PTPN9: variants seen among roughly 807,000 people sequenced by gnomAD.
PTPN9 encodes protein tyrosine phosphatase non-receptor type 9.
Under a neutral mutation model 69.8 loss-of-function variants are expected in PTPN9, and 26 were observed. The ratio of observed to expected loss-of-function variants is 0.37; its 90% CI spans 0.27 to 0.52. PTPN9 has a LOEUF of 0.52. Ranked by LOEUF, PTPN9 falls within the 20% of genes least tolerant of loss-of-function variation. The pLI is 0.91. For synonymous variants in PTPN9, 274 were observed against 272.5 expected (o/e 1.01, Z -0.05); for missense variants, 549 against 740.3 (o/e 0.74, Z 3.00).
intron 1 of PTPN9, among the ~76,000 whole-genome samples, chr15:75,550,341 CT>C (rs1173890569): frequency 6.6e-6 from 1 of 151,448 alleles, no homozygotes; most frequent in East Asian, 2.0e-4. Flanking sequence ...GATTTTTGTA[CT>C]TTCAGTAGAG....
In PTPN9 at chr15:75,468,170, T is replaced by A. The variant is rs1413308758; in HGVS notation, c.*599A>T. ...GGAGTATCGTGTGTATATGTATTTA[T>A]AGAATACGATCATATTATCACATAC... is the stretch of plus-strand genomic sequence containing the variant. On this transcript the variant is annotated 3_prime_UTR_variant, in exon 13 of 13. Coordinates refer to ENST00000618819, the MANE Select transcript of PTPN9 (RefSeq NM_002833.4). 1 of 152,848 alleles carries A rather than the reference T, an allele frequency of 6.5e-6. No homozygotes were observed. Among genetic ancestry groups the A allele is most frequent in the Non-Finnish European group, 1.5e-5 (1 of 68,236 alleles). 9.5% of individuals were successfully genotyped at this position (152,848 alleles called of 1,614,324 possible). A position where few individuals can be genotyped will look rare whatever the true frequency, so the allele number is the denominator to read the frequency against.
rs1318815364 is a variant in PTPN9, at chr15:75,468,478, A to T, written c.*291T>A. On this transcript the variant is annotated 3_prime_UTR_variant, in exon 13 of 13. Transcript: ENST00000618819. Reference sequence around the variant, plus strand: ...GAGGAGGGAGGTTCCTTCCCCACTTACCTCGGGGACCCTAGCAAAAATCAA... The same window carrying T: ...GAGGAGGGAGGTTCCTTCCCCACTTTCCTCGGGGACCCTAGCAAAAATCAA... 1 of 259,614 alleles carries T rather than the reference A, an allele frequency of 3.9e-6. No homozygotes were observed. The highest frequency in any genetic ancestry group is 7.1e-5 in the East Asian group (1 of 14,118). 16.1% of individuals were successfully genotyped at this position (259,614 alleles called of 1,614,324 possible).
chr15:75,538,533 C>CA (rs1008916003), intron 1 of PTPN9, among the ~76,000 whole-genome samples: 2 of 152,030 alleles, frequency 1.3e-5, no homozygotes, highest in Non-Finnish European at 2.9e-5. Flanking sequence ...CCCGTCTCTA[C>CA]AAAAAATACA....
chr15:75,528,819 G>A (rs140090337), intron 1 of PTPN9, among the ~76,000 whole-genome samples: 9 of 150,230 alleles, frequency 6.0e-5, no homozygotes, highest in African/African-American at 2.0e-4. Context: ...TCCTGTCCCC[G>A]CCTTCCGAGT....
chr15:75,486,837 T>TGCACTGGTGCGATCTCG (rs1052531702), intron 8 of PTPN9, among the ~76,000 whole-genome samples: 8 of 146,198 alleles, frequency 5.5e-5, no homozygotes, highest in African/African-American at 2.0e-4. Context: ...CAGGCTGGAG[T>TGCACTGGTGCGATCTCG]GCACTGGTGC....
intron 12 of PTPN9, 116 bp from the exon 13 acceptor site, chr15:75,469,099 A>G: frequency 4.1e-6 from 4 of 982,142 alleles, no homozygotes; most frequent in Non-Finnish European, 6.0e-6. Flanking sequence ...CTCATGGCAG[A>G]AGGCCAGGTG....
At chr15:75,576,544 T>C (rs1195073459) in intron 1 of PTPN9, among the ~76,000 whole-genome samples, 1 of 148,618 alleles carries the variant, frequency 6.7e-6, no homozygotes, top group Admixed American at 6.8e-5. Flanking sequence ...GCGCAGTAAC[T>C]CACGACTGTA....
intron 7 of PTPN9, among the ~76,000 whole-genome samples, chr15:75,494,510 AC>A (rs141538327): frequency 0.021 from 3,110 of 151,412 alleles, 176 homozygotes; most frequent in Admixed American, 0.11. Context: ...CTGCCACCAT[AC>A]CTGGCTAATT....
At chr15:75,546,000 T>G (rs1287997964) in intron 1 of PTPN9, among the ~76,000 whole-genome samples, 1 of 152,122 alleles carries the variant, frequency 6.6e-6, no homozygotes, top group Non-Finnish European at 1.5e-5. Context: ...TAAGACATGG[T>G]CTCTACCCAT....
intron 3 of PTPN9, among the ~76,000 whole-genome samples, chr15:75,523,959 A>AG (rs989638683): frequency 8.6e-5 from 13 of 151,950 alleles, no homozygotes; most frequent in African/African-American, 3.1e-4. Flanking sequence ...AAGTCCAAAC[A>AG]GGGGGGGATG....
chr15:75,470,818 G>T lies in PTPN9; in HGVS notation c.1221C>A (p.Gly407=), dbSNP rs764824031. 1 of 1,613,948 alleles carries T rather than the reference G, an allele frequency of 6.2e-7. No individual in the cohort carries two copies. Among genetic ancestry groups the T allele is most frequent in the South Asian group, 1.1e-5 (1 of 91,062 alleles). The change falls in exon 11 of 13, where the codon GGC becomes GGA. Residue 407 remains glycine, a synonymous_variant. Transcript: ENST00000618819. ...AGTACTGGCCACACTTTCTCCTGCC[G>T]CCTTCCTCAAAGCTGAAGACACACA... is the stretch of plus-strand genomic sequence containing the variant. ...VIVMTTRFEE[G]GRRKCGQYWP...
intron 5 of PTPN9, among the ~76,000 whole-genome samples, chr15:75,516,589 G>A (rs927965379): frequency 1.3e-5 from 2 of 151,144 alleles, no homozygotes; most frequent in African/African-American, 4.9e-5. Context: ...TGAGATTACT[G>A]GTGTAAGCCA....
At position 75,510,658 on chromosome 15, in the gene PTPN9, T is replaced by A. The variant is rs117304701; in HGVS notation, c.529-1631A>T. ...AAAAAGTACTTTTTTTTTTTTTTACTGCTGTACCACCGATTCCACCAATGT... is the reference window on the plus strand; with the variant it reads ...AAAAAGTACTTTTTTTTTTTTTTACAGCTGTACCACCGATTCCACCAATGT... On this transcript the variant is annotated intron_variant, in intron 5 of 12. Transcript: ENST00000618819. Among the ~76,000 whole-genome samples the A allele has an allele frequency of 2.4e-4, 37 of 152,130 alleles. No individual in the cohort carries two copies. The East Asian group carries it at 7.1e-3, about 29-fold the overall frequency.
intron 1 of PTPN9, among the ~76,000 whole-genome samples, chr15:75,574,376 T>C (rs1023893868): frequency 3.3e-5 from 5 of 151,252 alleles, no homozygotes; most frequent in Non-Finnish European, 5.9e-5. Context: ...GAAGATGAAA[T>C]CAGATTTTCA....
At chr15:75,553,870 T>C (rs904021800) in intron 1 of PTPN9, among the ~76,000 whole-genome samples, 4 of 152,146 alleles carry the variant, frequency 2.6e-5, no homozygotes, top group African/African-American at 7.2e-5. Flanking sequence ...CTCAAGAAAG[T>C]AGGACTCTTC....
chr15:75,578,075 A>C (rs2075181792), intron 1 of PTPN9, among the ~76,000 whole-genome samples: 2 of 152,228 alleles, frequency 1.3e-5, no homozygotes, highest in African/African-American at 4.8e-5. Context: ...CAGTCAGATG[A>C]GACGAGGGTA....
chr15:75,510,330 G>A (rs926066927), intron 5 of PTPN9, among the ~76,000 whole-genome samples: 6 of 152,030 alleles, frequency 3.9e-5, no homozygotes, highest in Middle Eastern at 3.2e-3. Flanking sequence ...ACTGAGTCCT[G>A]TACCTCCCAG....
At chr15:75,482,104 T>C (rs1023373503) in intron 8 of PTPN9, among the ~76,000 whole-genome samples, 4 of 151,374 alleles carry the variant, frequency 2.6e-5, no homozygotes, top group African/African-American at 9.7e-5. Flanking sequence ...TTCATTTTGT[T>C]CTGCACTAAG....
intron 5 of PTPN9, chr15:75,513,578 C>T (rs1166003282): frequency 2.8e-6 from 1 of 355,304 alleles, no homozygotes; most frequent in Non-Finnish European, 5.5e-6. Context: ...ACCAGCCTGG[C>T]CAACATGGTG....
Sources: allele counts gnomAD v4.1 joint callset (sites outside exome capture counted in the v4.1 genomes callset), GRCh38; gene constraint gnomAD v4.1.1; transcripts MANE v1.5; gene names NCBI Gene and HGNC (gene_info 2026-07-23, HGNC 2026-07-21).